Variants in KLHDC7B observed in about 807,000 individuals in gnomAD.
The protein encoded by KLHDC7B is kelch domain containing 7B.
KLHDC7B carries 1 observed loss-of-function variant against 0.6 expected under a neutral mutation model. The ratio of observed to expected loss-of-function variants is 1.71; its 90% confidence interval spans 0.61 to 8.11. KLHDC7B has a LOEUF of 8.11. KLHDC7B is among the 30% of genes most tolerant of loss of function. The pLI is 0.13. For synonymous variants in KLHDC7B, 462 were observed against 405.2 expected (o/e 1.14, Z -1.68); for missense variants, 993 against 894.9 (o/e 1.11, Z -1.40).
In KLHDC7B at chr22:50,548,791, G is replaced by T. The variant is rs747666408; in HGVS notation, c.2548G>T (p.Ala850Ser). ...GCCCAGCTCCCGGGCCCTGGAGCCC[G>T]CCACGGCGGCAGCCCTGCGGCGGCG... is the stretch of plus-strand genomic sequence containing the variant. Reference protein sequence around the residue: ...RKPSSRALEPATAAALRRRLD... With the variant: ...RKPSSRALEPSTAAALRRRLD... Residue 850 changes from alanine (A) to serine (S), a missense_variant, in exon 1 of 1, where the codon GCC becomes TCC. Transcript: ENST00000648057. The surrounding 1 kb of genome is among the most constrained non-coding windows in gnomAD (Gnocchi z 5.3). The T allele has an allele frequency of 2.1e-6, 3 of 1,459,876 alleles. No homozygotes were observed. Among genetic ancestry groups the T allele is most frequent in the Non-Finnish European group, 1.8e-6 (2 of 1,111,560 alleles). 90.4% of individuals were successfully genotyped at this position (1,459,876 alleles called of 1,614,324 possible). A position where few individuals can be genotyped will look rare whatever the true frequency, so the allele number is the denominator to read the frequency against.
rs888482006 is a variant in KLHDC7B, at chr22:50,545,939, C to T, written c.-305C>T. On this transcript the variant is annotated 5_prime_UTR_variant, in exon 1 of 1. In the 5' UTR this introduces an upstream ATG that the reference lacks. Coordinates refer to ENST00000648057, the MANE Select transcript of KLHDC7B (RefSeq NM_138433.5). ...GTGATGACAGCACAGAGCTCAGGAA[C>T]GCTGCCTGAGGACCCTGGGGCCTAC... 2.0e-5 allele frequency among the ~76,000 whole-genome samples: 3 copies of T among 151,896 alleles called. No individual in the cohort carries two copies. The highest frequency in any genetic ancestry group is 6.6e-5 in the Admixed American group (1 of 15,238).
chr22:50,547,987 G>T lies in KLHDC7B; in HGVS notation c.1744G>T (p.Ala582Ser). The T allele has an allele frequency of 2.4e-6, 1 of 415,698 alleles. No homozygotes were observed. Among genetic ancestry groups the T allele is most frequent in the African/African-American group, 2.6e-5 (1 of 38,870 alleles). The allele number at this position is 415,698 out of a possible 1,614,324, so 25.8% of individuals were successfully genotyped here. Reference protein sequence around the residue: ...TPVPTPALSPAPTPAPTPAAS... With the variant: ...TPVPTPALSPSPTPAPTPAAS... Reference sequence around the variant, plus strand: ...AGTCCCAACCCCAGCCCTAAGCCCAGCTCCAACTCCAGCCCCAACCCCAGC... The same window carrying T: ...AGTCCCAACCCCAGCCCTAAGCCCATCTCCAACTCCAGCCCCAACCCCAGC... Residue 582 changes from alanine (A) to serine (S), a missense_variant, in exon 1 of 1, where the codon GCT becomes TCT. By Grantham distance (99) the Ala-to-Ser change is moderately conservative. Coordinates refer to ENST00000648057, the MANE Select transcript of KLHDC7B (RefSeq NM_138433.5).
chr22:50,547,398 T>C lies in KLHDC7B; in HGVS notation c.1155T>C (p.Pro385=), dbSNP rs2069742578. ...CTGACAGCTCCCGAGATAACAGTCCTGCCGCTGACCTGGGGCCCACCCGGC... is the reference window on the plus strand; with the variant it reads ...CTGACAGCTCCCGAGATAACAGTCCCGCCGCTGACCTGGGGCCCACCCGGC... ...AGADSSRDNS[P]AADLGPTRPP... is the part of the protein sequence containing the mutation. Residue 385 remains proline, a synonymous_variant, in exon 1 of 1, where the codon CCT becomes CCC. Coordinates refer to ENST00000648057, the MANE Select transcript of KLHDC7B (RefSeq NM_138433.5). Among the ~76,000 whole-genome samples, 1 of 151,652 alleles carries C rather than the reference T, an allele frequency of 6.6e-6. No homozygotes were observed. The highest frequency in any genetic ancestry group is 6.6e-5 in the Admixed American group (1 of 15,252).
chr22:50,548,629 C>T lies in KLHDC7B; in HGVS notation c.463C>T (p.Gln155Ter). 1 of 1,536,710 alleles carries T rather than the reference C, an allele frequency of 6.5e-7. No homozygotes were observed. The highest frequency in any genetic ancestry group is 1.2e-5 in the South Asian group (1 of 83,322). ...CAGGCCGGCCGCCTCGGGGGACCCT[C>T]AAGGGGAGGCGCCGGGGGAGGGGGG... The change falls in exon 1 of 1, where the codon CAA becomes TAA. Residue 155 changes from glutamine to a stop codon, truncating the protein, a stop_gained. Transcript: ENST00000395676. LOFTEE classifies it low-confidence loss of function (END_TRUNC). This position sits in a 1 kb window ranked among gnomAD's most constrained non-coding sequence, Gnocchi z 5.3.
In KLHDC7B at chr22:50,549,543, C is replaced by T. The variant is rs762286532; in HGVS notation, c.3300C>T (p.Leu1100=). The change falls in exon 1 of 1, where the codon CTC becomes CTT. Residue 1100 remains leucine, a synonymous_variant. Coordinates refer to ENST00000648057, the MANE Select transcript of KLHDC7B (RefSeq NM_138433.5). ...ACATCTACGTCACCGGGGGTCACCT[C>T]TTCTACCGCCTGCTCAGGTACAGCC... ...RGDIYVTGGH[L]FYRLLRYSPV... is the part of the protein sequence containing the mutation. 3.7e-6 allele frequency: 6 copies of T among 1,601,732 alleles called. No individual in the cohort carries two copies. Among genetic ancestry groups the T allele is most frequent in the South Asian group, 3.3e-5 (3 of 89,830 alleles).
At position 50,548,522 on chromosome 22, in the gene KLHDC7B, CCT is replaced by C; in HGVS notation, c.359_360del (p.Ser120CysfsTer467). On this transcript the variant is annotated frameshift_variant, in exon 1 of 1. Coordinates refer to the KLHDC7B transcript ENST00000395676. LOFTEE classifies it low-confidence loss of function (END_TRUNC). The surrounding 1 kb of genome is among the most constrained non-coding windows in gnomAD (Gnocchi z 5.3). ...AGGCCGCCTGGCCCCGCGGCCTCCT[CCT>C]CTGCGAGGCGCTCACAGCCGGTACC... is the stretch of plus-strand genomic sequence containing the variant. 12 of 1,554,726 alleles carry C rather than the reference CCT, an allele frequency of 7.7e-6. No individual in the cohort carries two copies. Among genetic ancestry groups the C allele is most frequent in the Non-Finnish European group, 1.0e-5 (12 of 1,149,598 alleles).
In KLHDC7B at chr22:50,547,368, C is replaced by T. The variant is rs2069742190; in HGVS notation, c.1125C>T (p.Ala375=). Among the ~76,000 whole-genome samples the T allele has an allele frequency of 6.6e-6, 1 of 151,954 alleles. No homozygotes were observed. The highest frequency in any genetic ancestry group is 1.5e-5 in the Non-Finnish European group (1 of 67,936). Residue 375 remains alanine, a synonymous_variant, in exon 1 of 1, where the codon GCC becomes GCT. Transcript: ENST00000648057. ...GATGAYDAGE[A]GADSSRDNSP... The stretch of plus-strand genomic sequence containing the variant: ...CAGGGGCCTACGATGCCGGCGAGGC[C>T]GGGGCTGACAGCTCCCGAGATAACA...
At position 50,547,162 on chromosome 22, in the gene KLHDC7B, G is replaced by A. The variant is rs1038016476; in HGVS notation, c.919G>A (p.Gly307Arg). Among the ~76,000 whole-genome samples the A allele has an allele frequency of 5.9e-5, 9 of 151,620 alleles. No individual in the cohort carries two copies. The highest frequency in any genetic ancestry group is 2.2e-4 in the African/African-American group (9 of 41,306). ...GCCTGGGTCTCAGACGGAAGGCTCT[G>A]GGGCCAAGGGTGGCTGGAGCAGGGA... ...LQPGSQTEGS[G>R]AKGGWSREAS... Residue 307 changes from glycine to arginine, a missense_variant, in exon 1 of 1, where the codon GGG becomes AGG. Transcript: ENST00000648057.
chr22:50,547,466 C>T lies in KLHDC7B; in HGVS notation c.1223C>T (p.Ala408Val), dbSNP rs137973244. Reference protein sequence around the residue: ...AKPAAAGHSRAPSRSREPRPR... With the variant: ...AKPAAAGHSRVPSRSREPRPR... ...CCGGCTGCAGCCGGCCACAGCCGCG[C>T]GCCCTCCCGGAGCCGTGAGCCTCGC... The change falls in exon 1 of 1, where the codon GCG becomes GTG. Residue 408 changes from alanine to valine, a missense_variant. Physicochemically the swap from Ala to Val is moderately conservative, Grantham distance 64 (BLOSUM62 0). Transcript: ENST00000648057. The T allele has an allele frequency of 5.8e-3, 2,227 of 383,476 alleles. 37 individuals carry two copies. The highest frequency in any genetic ancestry group is 0.043 in the African/African-American group (2,043 of 47,830). The allele number at this position is 383,476 out of a possible 1,614,324, so 23.8% of individuals were successfully genotyped here.
rs747666408 is a variant in KLHDC7B, at chr22:50,548,791, G to A, written c.2548G>A (p.Ala850Thr). ...GCCCAGCTCCCGGGCCCTGGAGCCC[G>A]CCACGGCGGCAGCCCTGCGGCGGCG... is the stretch of plus-strand genomic sequence containing the variant. ...RKPSSRALEP[A>T]TAAALRRRLD... The change falls in exon 1 of 1, where the codon GCC (alanine) becomes ACC (threonine). Residue 850 changes from alanine to threonine, a missense_variant. By Grantham distance (58) the Ala-to-Thr change is moderately conservative. Transcript: ENST00000648057. This position sits in a 1 kb window ranked among gnomAD's most constrained non-coding sequence, Gnocchi z 5.3. 6.8e-7 allele frequency: 1 copy of A among 1,459,986 alleles called. No individual in the cohort carries two copies. The allele number at this position is 1,459,986 out of a possible 1,614,324, so 90.4% of individuals were successfully genotyped here.
chr22:50,550,083 C>T lies in KLHDC7B; in HGVS notation c.*132C>T, dbSNP rs189247943. The T allele has an allele frequency of 1.1e-4, 110 of 987,808 alleles. No homozygotes were observed. Among genetic ancestry groups the T allele is most frequent in the Non-Finnish European group, 1.6e-4 (108 of 688,886 alleles). 61.2% of individuals were successfully genotyped at this position (987,808 alleles called of 1,614,324 possible). ...GCTCTTGTTTCTGGACAACTTTCCC[C>T]TTCTGCTTTAAAGGTTGTCGATTAT... On this transcript the variant is annotated 3_prime_UTR_variant, in exon 1 of 1. Coordinates refer to ENST00000648057, the MANE Select transcript of KLHDC7B (RefSeq NM_138433.5).
In KLHDC7B at chr22:50,548,831, G is replaced by T; in HGVS notation, c.2588G>T (p.Ser863Ile). The stretch of plus-strand genomic sequence containing the variant: ...CTGCGGCGGCGGCTGGACCTGGGCA[G>T]TTGCCTGGACGTGCTGGCCTTTGCC... ...AALRRRLDLGSCLDVLAFAQQ... is the reference protein window; with the variant it reads ...AALRRRLDLGICLDVLAFAQQ... The change falls in exon 1 of 1, where the codon AGT (serine) becomes ATT (isoleucine). Residue 863 changes from serine to isoleucine, a missense_variant. Ser to Ile is a moderately radical substitution (Grantham distance 142, BLOSUM62 -2). Transcript: ENST00000648057. This position sits in a 1 kb window ranked among gnomAD's most constrained non-coding sequence, Gnocchi z 5.3. 6.5e-7 allele frequency: 1 copy of T among 1,532,398 alleles called. No individual in the cohort carries two copies. 94.9% of individuals were successfully genotyped at this position (1,532,398 alleles called of 1,614,324 possible).
Position 50,550,163 on chromosome 22 carries a change from G to C in KLHDC7B, c.*212G>C, listed in dbSNP as rs539503932. 3.8e-5 allele frequency: 20 copies of C among 529,434 alleles called. 1 individual carries two copies. In the South Asian group the frequency reaches 7.0e-4, roughly 19 times the overall value. 32.8% of individuals were successfully genotyped at this position (529,434 alleles called of 1,614,324 possible). On this transcript the variant is annotated 3_prime_UTR_variant, in exon 1 of 1. Transcript: ENST00000648057. ...CTGCCCCTCACTCCACACCCAGACTGTTTCCTGACTCAATTCCGTACCTAC... is the reference window on the plus strand; with the variant it reads ...CTGCCCCTCACTCCACACCCAGACTCTTTCCTGACTCAATTCCGTACCTAC...
Position 50,546,518 on chromosome 22 carries a change from G to A in KLHDC7B, c.275G>A (p.Gly92Glu). ...GATGGCAGCGAGGGGCAGAGCCCAG[G>A]GCAGGGGAAACCAGAGCCCCCAGGA... ...VSDGSEGQSP[G>E]QGKPEPPGRG... Residue 92 changes from glycine to glutamate, a missense_variant, in exon 1 of 1, where the codon GGG (glycine) becomes GAG (glutamate). Transcript: ENST00000648057. The A allele has an allele frequency of 2.5e-6, 1 of 399,088 alleles. No homozygotes were observed. Among genetic ancestry groups the A allele is most frequent in the Non-Finnish European group, 4.4e-6 (1 of 226,212 alleles). The allele number at this position is 399,088 out of a possible 1,614,324, so 24.7% of individuals were successfully genotyped here. A position where few individuals can be genotyped will look rare whatever the true frequency, so the allele number is the denominator to read the frequency against.
chr22:50,550,805 C>T lies in KLHDC7B; in HGVS notation c.*854C>T, dbSNP rs567184994. 10 of 174,238 alleles carry T rather than the reference C, an allele frequency of 5.7e-5. No homozygotes were observed. In the East Asian group the frequency reaches 1.4e-3, roughly 25 times the overall value. The allele number at this position is 174,238 out of a possible 1,614,324, so 10.8% of individuals were successfully genotyped here. On this transcript the variant is annotated 3_prime_UTR_variant, in exon 1 of 1. Transcript: ENST00000648057. ...AAGAGAGTTGTGGGAGACAAGATCA[C>T]AGCTATGAGCACCTCGCACGGTGTC...
rs766716467 is a variant in KLHDC7B, at chr22:50,548,745, G to A, written c.2502G>A (p.Gly834=). The A allele has an allele frequency of 1.6e-5, 24 of 1,458,650 alleles. No individual in the cohort carries two copies. The highest frequency in any genetic ancestry group is 5.7e-5 in the South Asian group (4 of 69,760). The allele number at this position is 1,458,650 out of a possible 1,614,324, so 90.4% of individuals were successfully genotyped here. Residue 834 remains glycine, a synonymous_variant, in exon 1 of 1, where the codon GGG becomes GGA. Transcript: ENST00000648057. The surrounding 1 kb of genome is among the most constrained non-coding windows in gnomAD (Gnocchi z 5.3). ...MVFLQRPGGW[G]VVEGPRKPSS... Reference sequence around the variant, plus strand: ...TTCTGCAGAGGCCCGGGGGTTGGGGGGTGGTGGAGGGGCCCCGGAAGCCCA... The same window carrying A: ...TTCTGCAGAGGCCCGGGGGTTGGGGAGTGGTGGAGGGGCCCCGGAAGCCCA...
chr22:50,547,065 C>T lies in KLHDC7B; in HGVS notation c.822C>T (p.Arg274=), dbSNP rs2069737985. Among the ~76,000 whole-genome samples the T allele has an allele frequency of 1.3e-5, 2 of 151,732 alleles. No individual in the cohort carries two copies. Among genetic ancestry groups the T allele is most frequent in the African/African-American group, 2.4e-5 (1 of 41,378 alleles). Residue 274 remains arginine, a synonymous_variant, in exon 1 of 1, where the codon CGC becomes CGT. Coordinates refer to ENST00000648057, the MANE Select transcript of KLHDC7B (RefSeq NM_138433.5). ...DGAAALDAHA[R]GLPTGPPLAQ... ...CCGCCGCCCTGGACGCCCACGCGCGCGGCCTCCCCACAGGACCCCCACTCG... is the reference window on the plus strand; with the variant it reads ...CCGCCGCCCTGGACGCCCACGCGCGTGGCCTCCCCACAGGACCCCCACTCG...
At position 50,549,886 on chromosome 22, in the gene KLHDC7B, A is replaced by T. The variant is rs2069788075; in HGVS notation, c.3643A>T (p.Thr1215Ser). ...KELQPFPLGS[T>S]GVLSPFILTL... ...GCTGCAGCCCTTCCCCTTGGGGAGC[A>T]CCGGGGTCCTCAGTCCATTCATCCT... The change falls in exon 1 of 1, where the codon ACC becomes TCC. Residue 1215 changes from threonine (T) to serine (S), a missense_variant. Physicochemically the swap from Thr to Ser is moderately conservative, Grantham distance 58. Coordinates refer to ENST00000648057, the MANE Select transcript of KLHDC7B (RefSeq NM_138433.5). 4 of 1,588,548 alleles carry T rather than the reference A, an allele frequency of 2.5e-6. No homozygotes were observed. The East Asian group carries it at 9.1e-5, about 36-fold the overall frequency.
rs1410409214 is a variant in KLHDC7B at position 50,549,771 on chromosome 22, C to T, written c.3528C>T (p.Thr1176=). 3 of 1,601,070 alleles carry T rather than the reference C, an allele frequency of 1.9e-6. No individual in the cohort carries two copies. The highest frequency in any genetic ancestry group is 2.7e-5 in the African/African-American group (2 of 74,888). The change falls in exon 1 of 1, where the codon ACC becomes ACT. Residue 1176 remains threonine (T), a synonymous_variant. Transcript: ENST00000648057. ...PLPAPAPLHC[T]TLGNTIYCLN... is the part of the protein sequence containing the mutation. ...CCGCCCCCGCCCCACTGCACTGCAC[C>T]ACCCTGGGCAACACCATTTACTGCC... is the stretch of plus-strand genomic sequence containing the variant.
Sources: gnomAD v4.1 joint callset for allele counts (sites outside exome capture counted in the v4.1 genomes callset) on GRCh38, gnomAD v4.1.1 for gene constraint, Gnocchi (gnomAD v3.1) non-coding constraint, MANE v1.5 for transcripts, NCBI Gene and HGNC (gene_info 2026-07-23, HGNC 2026-07-21) for gene names.